Variants in ANGPTL2 observed in about 807,000 individuals in gnomAD.
The protein encoded by ANGPTL2 is angiopoietin-related protein 2.
ANGPTL2 carries 25 observed loss-of-function variants against 52.8 expected under a neutral mutation model. The ratio of observed to expected loss-of-function variants is 0.47; its 90% CI spans 0.35 to 0.66. The LOEUF (loss-of-function observed/expected upper bound fraction) is 0.66. Ranked by LOEUF, ANGPTL2 falls within the 30% of genes least tolerant of loss-of-function variation. The pLI, the probability that ANGPTL2 is intolerant of heterozygous loss-of-function variation, is 0.01. For missense variants in ANGPTL2, 546 were observed against 656.9 expected (o/e 0.83, Z 1.84); for synonymous variants, 276 against 277.4 (o/e 1.00, Z 0.05).
intron 4 of ANGPTL2, among the ~76,000 whole-genome samples, chr9:127,090,760 A>G (rs1278724190): frequency 6.6e-6 from 1 of 152,192 alleles, no homozygotes; most frequent in Non-Finnish European, 1.5e-5. Context: ...CTGAGCCTGG[A>G]GGCAGCATCG....
At position 127,122,099 on chromosome 9, in the gene ANGPTL2, C is replaced by T. The variant is rs1454539261; in HGVS notation, c.-50+216G>A. On this transcript the variant is annotated intron_variant, in intron 1 of 4. Transcript: ENST00000373425. The surrounding 1 kb of genome is among the most constrained non-coding windows in gnomAD (Gnocchi z 6.4). ...GCTTACTCATGAAGTCCTCGAGATG[C>T]CAGCCCATGATCATGTGCCCCCAAA... 2.0e-5 allele frequency among the ~76,000 whole-genome samples: 3 copies of T among 152,180 alleles called. No homozygotes were observed. The highest frequency in any genetic ancestry group is 3.2e-3 in the Middle Eastern group (1 of 316).
intron 2 of ANGPTL2, among the ~76,000 whole-genome samples, chr9:127,098,573 C>T (rs961307492): frequency 1.3e-5 from 2 of 152,150 alleles, no homozygotes; most frequent in Admixed American, 1.3e-4. Context: ...GGAGGGACAT[C>T]AGCAAGTAGG....
At chr9:127,120,210 A>G (rs1460488107) in intron 1 of ANGPTL2, among the ~76,000 whole-genome samples, 1 of 152,152 alleles carries the variant, frequency 6.6e-6, no homozygotes, top group East Asian at 1.9e-4. Flanking sequence ...AGGTAGCTGC[A>G]TTTTCTTATC....
At position 127,089,035 on chromosome 9, in the gene ANGPTL2, G is replaced by A. The variant is rs1484190309; in HGVS notation, c.1386C>T (p.Tyr462=). The part of the protein sequence containing the change: ...WYRGGHYRSR[Y]QDGVYWAEFR... The stretch of plus-strand genomic sequence containing the variant: ...ACTCAGCCCAGTAGACTCCGTCCTG[G>A]TAGCGGCTCCGGTAATGGCCCCCGC... Residue 462 remains tyrosine (Y), a synonymous_variant, in exon 5 of 5, where the codon TAC becomes TAT. Coordinates refer to ENST00000373425, the MANE Select transcript of ANGPTL2 (RefSeq NM_012098.3). 14 of 1,614,124 alleles carry A rather than the reference G, an allele frequency of 8.7e-6. No homozygotes were observed. The highest frequency in any genetic ancestry group is 1.1e-5 in the Non-Finnish European group (13 of 1,180,054).
At chr9:127,104,622 T>G (rs2054040840) in intron 2 of ANGPTL2, among the ~76,000 whole-genome samples, 1 of 152,192 alleles carries the variant, frequency 6.6e-6, no homozygotes, top group Non-Finnish European at 1.5e-5. Context: ...AGGCTCTCAG[T>G]AGGCCATCCT....
intron 2 of ANGPTL2, among the ~76,000 whole-genome samples, chr9:127,102,699 A>G (rs1162678301): frequency 6.6e-6 from 1 of 152,202 alleles, no homozygotes; most frequent in Non-Finnish European, 1.5e-5. Context: ...GAGGAGGAAG[A>G]GAAAGCAAAG....
intron 1 of ANGPTL2, among the ~76,000 whole-genome samples, chr9:127,120,035 C>T (rs1023099878): frequency 2.5e-4 from 38 of 152,344 alleles, no homozygotes; most frequent in African/African-American, 6.7e-4. Context: ...CACAGAAGCT[C>T]CTCTCCTGGG....
chr9:127,093,307 T>C (rs2052702225), intron 3 of ANGPTL2, among the ~76,000 whole-genome samples: 1 of 152,160 alleles, frequency 6.6e-6, no homozygotes, highest in South Asian at 2.1e-4. Flanking sequence ...CAGGACTTTT[T>C]GGGGGATTCT....
chr9:127,096,976 G>A (rs541535355), intron 2 of ANGPTL2, among the ~76,000 whole-genome samples: 3 of 152,304 alleles, frequency 2.0e-5, no homozygotes, highest in Admixed American at 6.5e-5. Context: ...GACACAGCAG[G>A]TGTATGCACC....
At chr9:127,112,744 T>C (rs1264066199) in intron 1 of ANGPTL2, among the ~76,000 whole-genome samples, 1 of 152,214 alleles carries the variant, frequency 6.6e-6, no homozygotes, top group Non-Finnish European at 1.5e-5. Flanking sequence ...AGCAATACGA[T>C]AGCAAGAACA....
chr9:127,091,919 C>T lies in ANGPTL2; in HGVS notation c.1033G>A (p.Gly345Ser), dbSNP rs750329815. ...TYKQGFGNID[G>S]EYWLGLENIY... Reference sequence around the variant, plus strand: ...TTCTCCAGGCCCAGCCAGTATTCGCCGTCAATGTTCCCAAACCCTTGCTGG... The same window carrying T: ...TTCTCCAGGCCCAGCCAGTATTCGCTGTCAATGTTCCCAAACCCTTGCTGG... The change falls in exon 4 of 5, where the codon GGC becomes AGC. Residue 345 changes from glycine (G) to serine (S), a missense_variant. By Grantham distance (56) the Gly-to-Ser change is moderately conservative (BLOSUM62 0). Transcript: ENST00000373425. The surrounding 1 kb of genome is among the most constrained non-coding windows in gnomAD (Gnocchi z 4.3). The T allele has an allele frequency of 6.2e-6, 10 of 1,614,060 alleles. No homozygotes were observed. The highest frequency in any genetic ancestry group is 4.5e-5 in the East Asian group (2 of 44,870).
At chr9:127,090,186 G>A (rs995706992) in intron 4 of ANGPTL2, among the ~76,000 whole-genome samples, 2 of 152,192 alleles carry the variant, frequency 1.3e-5, no homozygotes, top group South Asian at 4.1e-4. Flanking sequence ...CCTCCTCTTT[G>A]CCAGCGGAGG....
At chr9:127,104,783 G>A (rs1178052432) in intron 2 of ANGPTL2, among the ~76,000 whole-genome samples, 2 of 152,232 alleles carry the variant, frequency 1.3e-5, no homozygotes, top group Admixed American at 1.3e-4. Flanking sequence ...AGGCTGCTGA[G>A]TGAAAGGTTT....
intron 3 of ANGPTL2, among the ~76,000 whole-genome samples, chr9:127,093,419 G>T (rs2136478296): frequency 6.6e-6 from 1 of 152,220 alleles, no homozygotes; most frequent in East Asian, 1.9e-4. Context: ...CCTCACCCCT[G>T]GGCCCCCATA....
chr9:127,100,122 C>T (rs867143568), intron 2 of ANGPTL2, among the ~76,000 whole-genome samples: 11 of 152,102 alleles, frequency 7.2e-5, no homozygotes, highest in African/African-American at 1.4e-4. Context: ...AGATTTTTTT[C>T]ACTTCCCAAG....
chr9:127,088,964 C>T lies in ANGPTL2; in HGVS notation c.1457G>A (p.Arg486Gln), dbSNP rs553905166. Residue 486 changes from arginine to glutamine, a missense_variant, in exon 5 of 5, where the codon CGA (arginine) becomes CAA (glutamine). Physicochemically the swap from Arg to Gln is conservative, Grantham distance 43 (BLOSUM62 1). Around this residue, in one of 2 missense-constraint regions of ANGPTL2, gnomAD observed 261 missense variants for 361.0 expected, o/e 0.72. Coordinates refer to ENST00000373425, the MANE Select transcript of ANGPTL2 (RefSeq NM_012098.3). Reference protein sequence around the residue: ...YSLKKVVMMIRPNPNTFH With the variant: ...YSLKKVVMMIQPNPNTFH ...TTAGTGGAAGGTGTTGGGGTTCGGT[C>T]GGATCATCATCACCACTTTCTTGAG... 3.4e-4 allele frequency: 551 copies of T among 1,614,142 alleles called. 3 individuals are homozygous for T. In the South Asian group the frequency reaches 5.6e-3, roughly 16 times the overall value.
At chr9:127,093,249 AGAGGAT>A (rs2052693850) in intron 3 of ANGPTL2, among the ~76,000 whole-genome samples, 1 of 152,130 alleles carries the variant, frequency 6.6e-6, no homozygotes, top group African/African-American at 2.4e-5. Flanking sequence ...CAGGGAGCCC[AGAGGAT>A]GAGCCTGGAA....
At chr9:127,114,051 A>T (rs2055141512) in intron 1 of ANGPTL2, among the ~76,000 whole-genome samples, 1 of 152,220 alleles carries the variant, frequency 6.6e-6, no homozygotes, top group Admixed American at 6.5e-5. Context: ...AAAGAATAAC[A>T]ACAATAAATT....
intron 2 of ANGPTL2, among the ~76,000 whole-genome samples, chr9:127,094,767 C>G (rs185451388): frequency 2.0e-4 from 31 of 152,304 alleles, no homozygotes; most frequent in African/African-American, 7.2e-4. Context: ...AGGATACAGC[C>G]CAATCCATGG....
Sources: gnomAD v4.1 joint callset for allele counts (sites outside exome capture counted in the v4.1 genomes callset) on GRCh38, gnomAD v4.1.1 for gene constraint, gnomAD v4.1.1 regional missense constraint, Gnocchi (gnomAD v3.1) non-coding constraint, MANE v1.5 for transcripts, NCBI Gene and HGNC (gene_info 2026-07-23, HGNC 2026-07-21) for gene names.